Variants in ERBB4 observed in about 807,000 individuals in gnomAD.
The protein encoded by ERBB4 is receptor tyrosine-protein kinase erbB-4.
A neutral mutation model predicts 158.0 loss-of-function variants in ERBB4; 42 were observed. That is an observed-to-expected ratio of 0.27 (90% CI 0.21 to 0.34). ERBB4 has a LOEUF of 0.34. ERBB4 is among the 10% of genes least tolerant of loss of function. The pLI is 1.00. For missense variants in ERBB4, 1,333 were observed against 1,624.1 expected (o/e 0.82, Z 3.08); for synonymous variants, 583 against 558.7 (o/e 1.04, Z -0.61).
chr2:211,428,601 T>C (rs888926651), intron 21 of ERBB4, 118 bp from the exon 22 acceptor site: 6 of 553,488 alleles, frequency 1.1e-5, no homozygotes, highest in African/African-American at 3.8e-5. Context: ...TATGTGTGTA[T>C]AGATATAACT....
chr2:212,066,344 T>C (rs2077946973), intron 2 of ERBB4, among the ~76,000 whole-genome samples: 1 of 152,064 alleles, frequency 6.6e-6, no homozygotes, highest in Non-Finnish European at 1.5e-5. Flanking sequence ...GGTTTTGTTT[T>C]AATAGTCTCA....
chr2:212,241,729 G>A (rs1337598282), intron 1 of ERBB4, among the ~76,000 whole-genome samples: 1 of 151,904 alleles, frequency 6.6e-6, no homozygotes, highest in Non-Finnish European at 1.5e-5. Flanking sequence ...TATTGCTTTG[G>A]TAAATCTACC....
chr2:211,867,549 T>C (rs1395869922), intron 3 of ERBB4, among the ~76,000 whole-genome samples: 1 of 152,174 alleles, frequency 6.6e-6, no homozygotes, highest in Non-Finnish European at 1.5e-5. Flanking sequence ...ATTGTAAAAA[T>C]CACATAAAAC....
rs1349553465 is a variant in ERBB4, at chr2:211,381,574, T to C, written c.*2041A>G. On this transcript the variant is annotated 3_prime_UTR_variant, in exon 28 of 28. Transcript: ENST00000342788. ...CATTTTAATTAAATCTCCTAGATCA[T>C]AGAATTTTGAAGTTGAGGATGATAT... 4 of 231,090 alleles carry C rather than the reference T, an allele frequency of 1.7e-5. No individual in the cohort carries two copies. Among genetic ancestry groups the C allele is most frequent in the East Asian group, 6.1e-5 (1 of 16,276 alleles). The allele number at this position is 231,090 out of a possible 1,614,324, so 14.3% of individuals were successfully genotyped here. A position where few individuals can be genotyped will look rare whatever the true frequency, so the allele number is the denominator to read the frequency against.
At chr2:212,124,333 A>G (rs2079851847) in intron 2 of ERBB4, among the ~76,000 whole-genome samples, 1 of 151,860 alleles carries the variant, frequency 6.6e-6, no homozygotes, top group South Asian at 2.1e-4. Flanking sequence ...TTTTAATAAC[A>G]GTGTTAGTCT....
At chr2:212,497,050 C>T (rs73069015) in intron 1 of ERBB4, among the ~76,000 whole-genome samples, 6,766 of 151,530 alleles carry the variant, frequency 0.045, 505 homozygotes, top group African/African-American at 0.15. Context: ...TGGTGGCATG[C>T]GCCTGTAATC....
intron 2 of ERBB4, among the ~76,000 whole-genome samples, chr2:212,037,781 TG>T (rs2077049451): frequency 6.6e-6 from 1 of 152,200 alleles, no homozygotes; most frequent in African/African-American, 2.4e-5. Flanking sequence ...TAAGGAACGT[TG>T]TAAATCTAAT....
rs372704630 is a variant in ERBB4 at position 211,722,382 on chromosome 2, C to A, written c.883+11G>T. 1 of 1,607,544 alleles carries A rather than the reference C, an allele frequency of 6.2e-7. No individual in the cohort carries two copies. The highest frequency in any genetic ancestry group is 1.3e-5 in the African/African-American group (1 of 74,844). ...CCTAATTAATTTGGTTATTCTTATT[C>A]TGTTACTTACGTGGACATTTCTTGA... On this transcript the variant is annotated intron_variant, in intron 7 of 27. Transcript: ENST00000342788.
At chr2:211,803,507 G>C (rs2076546222) in intron 3 of ERBB4, among the ~76,000 whole-genome samples, 1 of 152,044 alleles carries the variant, frequency 6.6e-6, no homozygotes, top group African/African-American at 2.4e-5. Flanking sequence ...AGAGTGAGTA[G>C]AACTATGGCA....
intron 1 of ERBB4, among the ~76,000 whole-genome samples, chr2:212,403,446 C>T (rs1437951468): frequency 6.6e-6 from 1 of 152,050 alleles, no homozygotes; most frequent in African/African-American, 2.4e-5. Flanking sequence ...TTTGTACTCC[C>T]ATATTCATTG....
intron 1 of ERBB4, among the ~76,000 whole-genome samples, chr2:212,286,984 G>A (rs565444710): frequency 6.6e-6 from 1 of 151,398 alleles, no homozygotes; most frequent in South Asian, 2.1e-4. Flanking sequence ...CCACCAGGGA[G>A]GGGCCCAAGG....
chr2:211,954,830 T>C (rs1312732141), intron 2 of ERBB4, among the ~76,000 whole-genome samples: 1 of 152,106 alleles, frequency 6.6e-6, no homozygotes, highest in Non-Finnish European at 1.5e-5. Flanking sequence ...TGAGAATATC[T>C]AAAGCAGAAA....
chr2:211,520,098 A>G (rs2066147229), intron 20 of ERBB4, among the ~76,000 whole-genome samples: 1 of 152,172 alleles, frequency 6.6e-6, no homozygotes, highest in Admixed American at 6.5e-5. Flanking sequence ...AGGGTGTAAT[A>G]AAGATGAGAG....
intron 20 of ERBB4, among the ~76,000 whole-genome samples, chr2:211,542,178 G>C (rs1192649528): frequency 6.6e-6 from 1 of 151,970 alleles, no homozygotes; most frequent in Non-Finnish European, 1.5e-5. Flanking sequence ...ACATATAATT[G>C]GTGAGTGCCT....
intron 2 of ERBB4, among the ~76,000 whole-genome samples, chr2:211,949,432 G>A (rs1208645400): frequency 1.3e-5 from 2 of 152,152 alleles, no homozygotes; most frequent in East Asian, 3.8e-4. Flanking sequence ...AAATTTAGAT[G>A]TGCTGTAAGT....
rs192769015 is a variant in ERBB4, at chr2:211,545,220, T to C, written c.2487+16683A>G. On this transcript the variant is annotated intron_variant, in intron 20 of 27. Transcript: ENST00000342788. ...TAGACGCTTAACATTTTTTTTAAAG[T>C]ACAAAAAGATAAAGTAGAAAAGAAC... is the stretch of plus-strand genomic sequence containing the variant. Among the ~76,000 whole-genome samples, 249 of 152,098 alleles carry C rather than the reference T, an allele frequency of 1.6e-3. 2 individuals are homozygous for C. In the Middle Eastern group the frequency reaches 0.031, roughly 19 times the overall value.
chr2:212,466,083 AAT>A (rs1269026677), intron 1 of ERBB4, among the ~76,000 whole-genome samples: 5 of 152,224 alleles, frequency 3.3e-5, no homozygotes, highest in Non-Finnish European at 7.3e-5. Flanking sequence ...GTTTTAAATC[AAT>A]GTGTTTTACA....
In ERBB4 at chr2:211,455,237, C is replaced by G. The variant is rs372173685; in HGVS notation, c.2488-24137G>C. ...GTGTGAAACACAAAATTTAGCATTG[C>G]ATAATCTACTAACTGCAAGTCTCTG... On this transcript the variant is annotated intron_variant, in intron 20 of 27. Coordinates refer to ENST00000342788, the MANE Select transcript of ERBB4 (RefSeq NM_005235.3). Among the ~76,000 whole-genome samples, 8 of 152,340 alleles carry G rather than the reference C, an allele frequency of 5.3e-5. No homozygotes were observed. In the East Asian group the frequency reaches 1.2e-3, roughly 22 times the overall value.
intron 20 of ERBB4, among the ~76,000 whole-genome samples, chr2:211,517,623 C>T (rs890315940): frequency 1.3e-5 from 2 of 152,108 alleles, no homozygotes; most frequent in Non-Finnish European, 2.9e-5. Context: ...ATGAAGAGAG[C>T]TCTGTCTCTG....
Sources: gnomAD v4.1 joint callset for allele counts (sites outside exome capture counted in the v4.1 genomes callset) on GRCh38, gnomAD v4.1.1 for gene constraint, MANE v1.5 for transcripts, NCBI Gene and HGNC (gene_info 2026-07-23, HGNC 2026-07-21) for gene names.